FAT3: variants seen among roughly 807,000 people sequenced by gnomAD.
FAT3 encodes FAT atypical cadherin 3, also known as protocadherin Fat 3.
A neutral mutation model predicts 310.2 loss-of-function variants in FAT3; 95 were observed. The ratio of observed to expected loss-of-function variants is 0.31; its 90% CI spans 0.26 to 0.36. The LOEUF (loss-of-function observed/expected upper bound fraction) is 0.36, where lower values mean the gene tolerates loss of function less well. FAT3 is among the 10% of genes least tolerant of loss of function. The pLI is 1.00. For missense variants in FAT3, 5,408 were observed against 5,715.6 expected (o/e 0.95, Z 1.74); for synonymous variants, 2,314 against 2,192.9 (o/e 1.06, Z -1.54).
Position 92,601,115 on chromosome 11 carries a change from G to GTT in FAT3, c.3607+76178_3607+76179dup, listed in dbSNP as rs1014414078. ...AAGAGCAACAAGAAGCCAGAAGAAG[G>GTT]TTTTTTTTTTTTAAGTGGGGAGTGA... On this transcript the variant is annotated intron_variant, in intron 3 of 27. Coordinates refer to ENST00000525166, the MANE Select transcript of FAT3 (RefSeq NM_001367949.2). Among the ~76,000 whole-genome samples, 419 of 145,580 alleles carry GTT rather than the reference G, an allele frequency of 2.9e-3. 2 individuals carry two copies. Among genetic ancestry groups the GTT allele is most frequent in the African/African-American group, 0.01 (400 of 39,912 alleles).
At chr11:92,398,408 G>T (rs1457266925) in intron 2 of FAT3, among the ~76,000 whole-genome samples, 2 of 151,252 alleles carry the variant, frequency 1.3e-5, no homozygotes, top group Non-Finnish European at 2.9e-5. Context: ...GGCTGAGGCA[G>T]GAGAATTGCT....
rs1947295962 is a variant in FAT3 at position 92,800,180 on chromosome 11, C to A, written c.7167C>A (p.Asp2389Glu). The stretch of plus-strand genomic sequence containing the variant: ...ATATCTACATCTCTGATGTAAATGA[C>A]AACCCTCCAGTTTTTAATCAGCTCA... Reference protein sequence around the residue: ...LVHIYISDVNDNPPVFNQLIY... With the variant: ...LVHIYISDVNENPPVFNQLIY... The change falls in exon 10 of 28, where the codon GAC (aspartate) becomes GAA (glutamate). Residue 2389 changes from aspartate to glutamate, a missense_variant. Asp to Glu is a conservative substitution (Grantham distance 45). This residue lies in a region of FAT3 where 4,588 missense variants were observed against 4,809.8 expected (regional missense o/e 0.95). Transcript: ENST00000525166. The A allele has an allele frequency of 6.2e-7, 1 of 1,614,004 alleles. No homozygotes were observed. The highest frequency in any genetic ancestry group is 8.5e-7 in the Non-Finnish European group (1 of 1,179,876).
intron 2 of FAT3, among the ~76,000 whole-genome samples, chr11:92,441,305 A>G (rs1951058943): frequency 6.6e-6 from 1 of 152,166 alleles, no homozygotes; most frequent in Non-Finnish European, 1.5e-5. Context: ...CAGGAATTAT[A>G]TCCATTTGCC....
intron 3 of FAT3, among the ~76,000 whole-genome samples, chr11:92,560,447 A>C: frequency 6.6e-6 from 1 of 151,390 alleles, no homozygotes; most frequent in Admixed American, 6.6e-5. Flanking sequence ...AATAAAGTCT[A>C]GGTTTTTTTT....
intron 23 of FAT3, 108 bp from the exon 24 acceptor site, chr11:92,882,630 T>G: frequency 2.7e-5 from 20 of 732,338 alleles, no homozygotes; most frequent in Non-Finnish European, 3.4e-5. Context: ...TCTGTACCCT[T>G]TAGGTGCATC....
At chr11:92,655,970 T>C (rs1942567984) in intron 3 of FAT3, among the ~76,000 whole-genome samples, 1 of 152,138 alleles carries the variant, frequency 6.6e-6, no homozygotes, top group Admixed American at 6.5e-5. Context: ...ACTGGATGCA[T>C]TAAATCCATC....
At chr11:92,706,926 G>A (rs1289890705) in intron 4 of FAT3, among the ~76,000 whole-genome samples, 4 of 152,198 alleles carry the variant, frequency 2.6e-5, no homozygotes, top group Admixed American at 6.5e-5. Flanking sequence ...TCTGAGCCAA[G>A]GAACGGAAGG....
intron 1 of FAT3, among the ~76,000 whole-genome samples, chr11:92,269,863 C>T (rs1946075964): frequency 6.6e-6 from 1 of 152,130 alleles, no homozygotes; most frequent in Admixed American, 6.6e-5. Context: ...GAAAGTTGAG[C>T]TTTGAGAAGT....
chr11:92,474,256 T>C (rs530305742), intron 2 of FAT3, among the ~76,000 whole-genome samples: 2 of 152,306 alleles, frequency 1.3e-5, no homozygotes, highest in South Asian at 4.1e-4. Context: ...TGAAGAGTGG[T>C]TGTGCCAAGG....
intron 2 of FAT3, among the ~76,000 whole-genome samples, chr11:92,430,960 G>T (rs1031319704): frequency 6.6e-6 from 1 of 152,032 alleles, no homozygotes; most frequent in East Asian, 1.9e-4. Context: ...GAATAGTGCC[G>T]CAATAAACAT....
Position 92,800,657 on chromosome 11 carries a change from C to A in FAT3, c.7644C>A (p.Ser2548Arg). The A allele has an allele frequency of 1.2e-6, 2 of 1,613,752 alleles. No homozygotes were observed. Among genetic ancestry groups the A allele is most frequent in the Non-Finnish European group, 1.7e-6 (2 of 1,179,794 alleles). Residue 2548 changes from serine (S) to arginine (R), a missense_variant, in exon 10 of 28, where the codon AGC (serine) becomes AGA (arginine). By Grantham distance (110) the Ser-to-Arg change is moderately radical. Coordinates refer to ENST00000525166, the MANE Select transcript of FAT3 (RefSeq NM_001367949.2). ...DFAKDRFLID[S>R]NGQVITTERL... Reference sequence around the variant, plus strand: ...CCAAGGATCGATTCCTCATAGACAGCAATGGGCAGGTCATCACCACAGAAA... The same window carrying A: ...CCAAGGATCGATTCCTCATAGACAGAAATGGGCAGGTCATCACCACAGAAA...
chr11:92,281,828 A>G (rs1157221400), intron 1 of FAT3, among the ~76,000 whole-genome samples: 2 of 152,124 alleles, frequency 1.3e-5, no homozygotes, highest in African/African-American at 4.8e-5. Context: ...TTTTCCTAGT[A>G]GCTTAAACTA....
chr11:92,338,171 G>C (rs1201404967), intron 1 of FAT3, among the ~76,000 whole-genome samples: 1 of 152,140 alleles, frequency 6.6e-6, no homozygotes, highest in East Asian at 1.9e-4. Flanking sequence ...ATCTGCTGTG[G>C]ATGCTCAAAA....
chr11:92,765,752 CTTTG>C (rs1946290632), intron 6 of FAT3, among the ~76,000 whole-genome samples: 1 of 147,890 alleles, frequency 6.8e-6, no homozygotes, highest in Non-Finnish European at 1.5e-5. Context: ...CCAATGACTT[CTTTG>C]TTTGAGGTTT....
At chr11:92,474,574 A>AAGGCCTT (rs2135164205) in intron 2 of FAT3, among the ~76,000 whole-genome samples, 1 of 152,166 alleles carries the variant, frequency 6.6e-6, no homozygotes, top group South Asian at 2.1e-4. Flanking sequence ...TAGGTGTCAA[A>AAGGCCTT]AGGCCTTAGA....
intron 3 of FAT3, among the ~76,000 whole-genome samples, chr11:92,696,295 G>A (rs1418438695): frequency 6.6e-6 from 1 of 152,130 alleles, no homozygotes; most frequent in Non-Finnish European, 1.5e-5. Context: ...GGGCTAGCTT[G>A]TAAACAGCCA....
chr11:92,457,491 A>C (rs1035619378), intron 2 of FAT3, among the ~76,000 whole-genome samples: 1 of 152,186 alleles, frequency 6.6e-6, no homozygotes, highest in Non-Finnish European at 1.5e-5. Flanking sequence ...TTGTTGGCAG[A>C]AAAGTGGGGA....
chr11:92,800,091 T>C lies in FAT3; in HGVS notation c.7078T>C (p.Cys2360Arg). Residue 2360 changes from cysteine to arginine, a missense_variant, in exon 10 of 28, where the codon TGC (cysteine) becomes CGC (arginine). Coordinates refer to ENST00000525166, the MANE Select transcript of FAT3 (RefSeq NM_001367949.2). ...GCTGGACCATGAGTTAGTACAACAC[T>C]GCACTTTGAAAGTCAGATCAATAGA... ...RMLDHELVQH[C>R]TLKVRSIDSG... 1.2e-6 allele frequency: 2 copies of C among 1,613,998 alleles called. No homozygotes were observed. Among genetic ancestry groups the C allele is most frequent in the Non-Finnish European group, 1.7e-6 (2 of 1,179,880 alleles).
At chr11:92,470,884 A>C (rs1056544021) in intron 2 of FAT3, among the ~76,000 whole-genome samples, 3 of 152,226 alleles carry the variant, frequency 2.0e-5, no homozygotes, top group African/African-American at 7.2e-5. Context: ...TATCCTTCAT[A>C]GAAATTTTAG....
Sources: allele counts gnomAD v4.1 joint callset (sites outside exome capture counted in the v4.1 genomes callset), GRCh38; gene constraint gnomAD v4.1.1; regional missense constraint gnomAD v4.1.1; transcripts MANE v1.5; gene names NCBI Gene and HGNC (gene_info 2026-07-23, HGNC 2026-07-21).